COL19A1: variants seen among roughly 807,000 people sequenced by gnomAD.
COL19A1 encodes collagen type XIX alpha 1 chain.
A neutral mutation model predicts 190.2 loss-of-function variants in COL19A1; 159 were observed. The ratio of observed to expected loss-of-function variants is 0.84; its 90% confidence interval spans 0.73 to 0.95. The LOEUF (loss-of-function observed/expected upper bound fraction) is 0.95. Ranked by LOEUF, COL19A1 falls within the 40% of genes least tolerant of loss-of-function variation. The probability of loss-of-function intolerance (pLI) is 0.00; values close to 1 mark genes in which losing one functional copy is unlikely to be tolerated. For synonymous variants in COL19A1, 509 were observed against 458.9 expected (o/e 1.11, Z -1.39); for missense variants, 1,418 against 1,431.9 (o/e 0.99, Z 0.16).
intron 9 of COL19A1, among the ~76,000 whole-genome samples, chr6:69,959,707 A>G (rs1774653441): frequency 6.6e-6 from 1 of 152,236 alleles, no homozygotes; most frequent in Non-Finnish European, 1.5e-5. Context: ...AACATGTGGA[A>G]AAACATAGGC....
chr6:70,199,524 T>G, intron 48 of COL19A1, 84 bp from the exon 49 acceptor site: 5 of 1,050,126 alleles, frequency 4.8e-6, no homozygotes, highest in South Asian at 3.1e-5. Context: ...ATCTTTTTGT[T>G]TGTTTGATTT....
chr6:70,142,497 A>G (rs189284459), intron 22 of COL19A1, among the ~76,000 whole-genome samples: 7 of 152,308 alleles, frequency 4.6e-5, no homozygotes, highest in Non-Finnish European at 8.8e-5. Context: ...TGCAGGAGAA[A>G]TTAATGTGGT....
chr6:70,003,691 G>C (rs989898671), intron 11 of COL19A1, among the ~76,000 whole-genome samples: 1 of 151,624 alleles, frequency 6.6e-6, no homozygotes, highest in Non-Finnish European at 1.5e-5. Flanking sequence ...GACTAGGATT[G>C]CAACCCTTTC....
chr6:69,875,766 T>TA (rs1408657373), intron 1 of COL19A1, among the ~76,000 whole-genome samples: 1 of 152,212 alleles, frequency 6.6e-6, no homozygotes, highest in African/African-American at 2.4e-5. Context: ...AAGTTATAGA[T>TA]ATCTGTGTGA....
intron 2 of COL19A1, among the ~76,000 whole-genome samples, chr6:69,889,165 C>G (rs113733442): frequency 1.3e-5 from 2 of 152,280 alleles, no homozygotes; most frequent in African/African-American, 2.4e-5. Context: ...AGCTTTGTCA[C>G]TATTTGTAAA....
At chr6:70,038,531 A>G (rs1273732146) in intron 14 of COL19A1, among the ~76,000 whole-genome samples, 3 of 152,220 alleles carry the variant, frequency 2.0e-5, no homozygotes, top group African/African-American at 7.2e-5. Context: ...GAGGCATACT[A>G]GTAAAATGAA....
At chr6:70,091,559 T>TAC (rs55829375) in intron 15 of COL19A1, among the ~76,000 whole-genome samples, 1 of 151,752 alleles carries the variant, frequency 6.6e-6, no homozygotes, top group Admixed American at 6.6e-5. Context: ...GGTGAACAAA[T>TAC]AGAGTTTAAA....
At chr6:70,008,210 A>C (rs1777753958) in intron 11 of COL19A1, among the ~76,000 whole-genome samples, 1 of 151,904 alleles carries the variant, frequency 6.6e-6, no homozygotes, top group Non-Finnish European at 1.5e-5. Context: ...AATGGGAAAA[A>C]AATAACTAGA....
chr6:69,944,761 T>C (rs973297506), intron 9 of COL19A1, among the ~76,000 whole-genome samples: 27 of 152,030 alleles, frequency 1.8e-4, no homozygotes, highest in Non-Finnish European at 3.4e-4. Flanking sequence ...TGGTCACCTC[T>C]CATGGAATAA....
intron 11 of COL19A1, among the ~76,000 whole-genome samples, chr6:69,971,387 G>A (rs904459794): frequency 4.6e-5 from 7 of 152,146 alleles, no homozygotes; most frequent in African/African-American, 1.7e-4. Context: ...CCAGGTTGGA[G>A]TTTCCTGAAG....
intron 46 of COL19A1, among the ~76,000 whole-genome samples, chr6:70,186,163 C>G (rs912263015): frequency 6.6e-6 from 1 of 152,052 alleles, no homozygotes; most frequent in African/African-American, 2.4e-5. Context: ...TTGACCATAC[C>G]TTATTTCACT....
At chr6:69,922,833 C>T (rs1255199601) in intron 4 of COL19A1, among the ~76,000 whole-genome samples, 3 of 152,080 alleles carry the variant, frequency 2.0e-5, no homozygotes, top group Admixed American at 2.0e-4. Context: ...AAATTCAGTA[C>T]ATCTCTGTCT....
At chr6:70,101,698 A>C (rs1783641079) in intron 15 of COL19A1, among the ~76,000 whole-genome samples, 2 of 152,146 alleles carry the variant, frequency 1.3e-5, no homozygotes, top group South Asian at 4.1e-4. Context: ...CGGGATTCTA[A>C]ACCGTGAATT....
At chr6:70,106,931 C>T (rs1202970514) in intron 16 of COL19A1, among the ~76,000 whole-genome samples, 1 of 152,190 alleles carries the variant, frequency 6.6e-6, no homozygotes, top group Non-Finnish European at 1.5e-5. Context: ...CCTGAGGAAA[C>T]AGGTTCAGAG....
rs765208873 is a variant in COL19A1, at chr6:70,199,598, A to G, written c.3095-10A>G. 6.6e-7 allele frequency: 1 copy of G among 1,525,250 alleles called. No homozygotes were observed. Among genetic ancestry groups the G allele is most frequent in the East Asian group, 2.4e-5 (1 of 42,450 alleles). 94.5% of individuals were successfully genotyped at this position (1,525,250 alleles called of 1,614,324 possible). A position where few individuals can be genotyped will look rare whatever the true frequency, so the allele number is the denominator to read the frequency against. Reference sequence around the variant, plus strand: ...TCTATGATATATTATTTTTTCTTCTATACATGAAGAGAGGATGGCTGTATT... The same window carrying G: ...TCTATGATATATTATTTTTTCTTCTGTACATGAAGAGAGGATGGCTGTATT... On this transcript the variant is annotated splice_polypyrimidine_tract_variant and intron_variant, in intron 48 of 50. Coordinates refer to ENST00000620364, the MANE Select transcript of COL19A1 (RefSeq NM_001858.6).
chr6:69,929,562 T>A lies in COL19A1; in HGVS notation c.528T>A (p.Ile176=). The A allele has an allele frequency of 6.2e-7, 1 of 1,614,046 alleles. No individual in the cohort carries two copies. Among genetic ancestry groups the A allele is most frequent in the Non-Finnish European group, 8.5e-7 (1 of 1,179,970 alleles). ...LFDRQWHKLG[I]SIQSQVISLY... ...ATCGTCAGTGGCACAAACTTGGCAT[T>A]AGTATACAATCCCAGGTCATTTCAC... is the stretch of plus-strand genomic sequence containing the variant. The change falls in exon 6 of 51, where the codon ATT becomes ATA. Residue 176 remains isoleucine (I), a synonymous_variant. Coordinates refer to ENST00000620364, the MANE Select transcript of COL19A1 (RefSeq NM_001858.6).
intron 14 of COL19A1, among the ~76,000 whole-genome samples, chr6:70,037,092 G>A (rs1309477933): frequency 6.6e-6 from 1 of 152,104 alleles, no homozygotes; most frequent in Non-Finnish European, 1.5e-5. Flanking sequence ...TGAAAAGAAA[G>A]ACTATTTTTT....
At chr6:69,879,956 C>T (rs778632832) in intron 2 of COL19A1, 26 of 390,394 alleles carry the variant, frequency 6.7e-5, no homozygotes, top group Non-Finnish European at 6.8e-5. Context: ...TGTATCTTTC[C>T]CTTTCCTCTT....
chr6:69,994,201 T>C (rs567815545), intron 11 of COL19A1, among the ~76,000 whole-genome samples: 1 of 152,174 alleles, frequency 6.6e-6, no homozygotes, highest in Non-Finnish European at 1.5e-5. Context: ...AATGATATTA[T>C]GAAGTCAAGT....
Sources: gnomAD v4.1 joint callset for allele counts (sites outside exome capture counted in the v4.1 genomes callset) on GRCh38, gnomAD v4.1.1 for gene constraint, MANE v1.5 for transcripts, NCBI Gene and HGNC (gene_info 2026-07-23, HGNC 2026-07-21) for gene names.